Variants in PCDH9 observed in about 807,000 individuals in gnomAD.
PCDH9 encodes the protein protocadherin-9.
Under a neutral mutation model 70.6 loss-of-function variants are expected in PCDH9, and 24 were observed. The observed-to-expected ratio is 0.34, with a 90% CI of 0.25 to 0.48. PCDH9 has a LOEUF of 0.48. Among genes scored for constraint, PCDH9 ranks in the 20% least tolerant of loss-of-function variants. The pLI is 0.99. For missense variants in PCDH9, 1,281 were observed against 1,503.6 expected, an observed-to-expected ratio of 0.85 and a Z score of 2.45; for synonymous variants, 562 against 558.5, an observed-to-expected ratio of 1.01 and a Z score of -0.09.
Position 67,181,004 on chromosome 13 carries a change from A to G in PCDH9, c.3036+44401T>C, listed in dbSNP as rs114535482. On this transcript the variant is annotated intron_variant, in intron 2 of 4. Transcript: ENST00000377865. ...TTTAAATCTGTGTCAAGAGGCTAAT[A>G]TAACTGTGATTTTAATTACTAAAAA... 6.0e-3 allele frequency among the ~76,000 whole-genome samples: 911 copies of G among 152,344 alleles called. 6 individuals carry two copies. Among genetic ancestry groups the G allele is most frequent in the African/African-American group, 0.021 (873 of 41,580 alleles).
Position 66,713,621 on chromosome 13 carries a change from G to GTCTATATATATA in PCDH9, c.3139-82211_3139-82210insTATATATATAGA, listed in dbSNP as rs1415001060. 4.1e-4 allele frequency among the ~76,000 whole-genome samples: 7 copies of GTCTATATATATA among 16,918 alleles called. No homozygotes were observed. In the South Asian group the frequency reaches 0.019, roughly 45 times the overall value. 11.1% of individuals were successfully genotyped at this position (16,918 alleles called of 152,430 possible). A position where few individuals can be genotyped will look rare whatever the true frequency, so the allele number is the denominator to read the frequency against. ...GTGTATATATATATAAAGTGTGTGT[G>GTCTATATATATA]TGTGTATATATATATATATATATAT... On this transcript the variant is annotated intron_variant, in intron 3 of 4. Coordinates refer to ENST00000377865, the MANE Select transcript of PCDH9 (RefSeq NM_203487.3).
At chr13:67,127,054 T>G (rs187822848) in intron 2 of PCDH9, among the ~76,000 whole-genome samples, 2 of 152,174 alleles carry the variant, frequency 1.3e-5, no homozygotes, top group African/African-American at 4.8e-5. Flanking sequence ...AGTAAGCAAA[T>G]CATAATATAT....
chr13:66,753,318 A>T (rs2079488838), intron 3 of PCDH9, among the ~76,000 whole-genome samples: 1 of 152,166 alleles, frequency 6.6e-6, no homozygotes, highest in Non-Finnish European at 1.5e-5. Context: ...AAATGACTGC[A>T]GTTAACAGTA....
At chr13:66,819,907 A>C (rs1278684351) in intron 3 of PCDH9, among the ~76,000 whole-genome samples, 1 of 152,128 alleles carries the variant, frequency 6.6e-6, no homozygotes, top group African/African-American at 2.4e-5. Flanking sequence ...AAAATAAATT[A>C]AAAATAAATA....
intron 2 of PCDH9, among the ~76,000 whole-genome samples, chr13:67,194,011 C>A (rs1463377018): frequency 6.6e-6 from 1 of 152,048 alleles, no homozygotes; most frequent in East Asian, 1.9e-4. Flanking sequence ...TACATTTTTT[C>A]TATTACATAA....
chr13:66,649,417 G>A (rs1291361910), intron 3 of PCDH9, among the ~76,000 whole-genome samples: 1 of 151,454 alleles, frequency 6.6e-6, no homozygotes, highest in Non-Finnish European at 1.5e-5. Flanking sequence ...TATTTGAAGT[G>A]CAAAAGAAAA....
At chr13:66,365,280 G>A (rs764954079) in intron 4 of PCDH9, among the ~76,000 whole-genome samples, 8 of 152,144 alleles carry the variant, frequency 5.3e-5, no homozygotes, top group Non-Finnish European at 8.8e-5. Context: ...TGTAGTCCAA[G>A]TGATGTGCTA....
intron 2 of PCDH9, chr13:67,218,835 T>A (rs2089664043): frequency 6.6e-6 from 1 of 151,960 alleles, no homozygotes; most frequent in African/African-American, 2.4e-5. Context: ...ACCTTGACTG[T>A]GCTTCTATCT....
At chr13:67,217,818 A>T (rs1050102059) in intron 2 of PCDH9, 1 of 152,054 alleles carries the variant, frequency 6.6e-6, no homozygotes, top group South Asian at 2.1e-4. Flanking sequence ...TCTTCTTAGG[A>T]GAAATGAAGG....
chr13:66,849,820 A>C (rs2081285433), intron 3 of PCDH9, among the ~76,000 whole-genome samples: 1 of 152,146 alleles, frequency 6.6e-6, no homozygotes, highest in South Asian at 2.1e-4. Flanking sequence ...GTAAGTCTTC[A>C]AGAAGAGCTA....
intron 2 of PCDH9, among the ~76,000 whole-genome samples, chr13:67,200,589 A>C (rs2089185559): frequency 6.6e-6 from 1 of 152,130 alleles, no homozygotes; most frequent in Non-Finnish European, 1.5e-5. Flanking sequence ...ATGTACTGCA[A>C]ACTTTTACTA....
chr13:66,427,724 C>A (rs1418826728), intron 4 of PCDH9, among the ~76,000 whole-genome samples: 1 of 151,572 alleles, frequency 6.6e-6, no homozygotes, highest in Admixed American at 6.6e-5. Flanking sequence ...CTAAAGTATT[C>A]TTGCGAAGAA....
At position 66,779,849 on chromosome 13, in the gene PCDH9, C is replaced by CTCTATATATATATA. The variant is rs1395244975; in HGVS notation, c.3138+123654_3138+123655insTATATATATATAGA. 1.4e-3 allele frequency among the ~76,000 whole-genome samples: 109 copies of CTCTATATATATATA among 78,888 alleles called. 1 individual carries two copies. Among genetic ancestry groups the CTCTATATATATATA allele is most frequent in the African/African-American group, 5.0e-3 (97 of 19,396 alleles). 51.8% of individuals were successfully genotyped at this position (78,888 alleles called of 152,430 possible). ...TCTCTCTCTCTCTCTCTCTCTCTCTCTATATATATATATATATACATATAT... is the reference window on the plus strand; with the variant it reads ...TCTCTCTCTCTCTCTCTCTCTCTCTCTCTATATATATATATATATATATATATATATACATATAT... On this transcript the variant is annotated intron_variant, in intron 3 of 4. Coordinates refer to ENST00000377865, the MANE Select transcript of PCDH9 (RefSeq NM_203487.3).
chr13:66,850,294 G>A (rs1186854360), intron 3 of PCDH9, among the ~76,000 whole-genome samples: 1 of 152,020 alleles, frequency 6.6e-6, no homozygotes, highest in Non-Finnish European at 1.5e-5. Context: ...TGAGGCAGGC[G>A]GATCACCTGA....
At position 66,531,971 on chromosome 13, in the gene PCDH9, A is replaced by G. The variant is rs112747163; in HGVS notation, c.3340+99239T>C. ...ATTGCTGCTTGCATTCTAAGACATTATTTGTGTTCTGATTTTGTTTTGTTT... is the reference window on the plus strand; with the variant it reads ...ATTGCTGCTTGCATTCTAAGACATTGTTTGTGTTCTGATTTTGTTTTGTTT... On this transcript the variant is annotated intron_variant, in intron 4 of 4. Transcript: ENST00000377865. Among the ~76,000 whole-genome samples, 1,179 of 152,020 alleles carry G rather than the reference A, an allele frequency of 7.8e-3. 12 individuals are homozygous for G. Among genetic ancestry groups the G allele is most frequent in the African/African-American group, 0.027 (1,119 of 41,478 alleles).
At chr13:67,130,568 A>G (rs990810747) in intron 2 of PCDH9, among the ~76,000 whole-genome samples, 2 of 152,174 alleles carry the variant, frequency 1.3e-5, no homozygotes, top group African/African-American at 4.8e-5. Context: ...ACCTGACCAC[A>G]GGGTGGACAA....
intron 3 of PCDH9, among the ~76,000 whole-genome samples, chr13:66,852,771 T>C (rs781074212): frequency 1.4e-4 from 21 of 150,228 alleles, no homozygotes; most frequent in Non-Finnish European, 2.9e-4. Flanking sequence ...ATGACTCAAG[T>C]AGACGGTGTA....
At chr13:67,039,800 C>T (rs1021514874) in intron 2 of PCDH9, among the ~76,000 whole-genome samples, 7 of 152,072 alleles carry the variant, frequency 4.6e-5, no homozygotes, top group East Asian at 1.9e-4. Context: ...GACTTTGTAG[C>T]GAAGTTGAAC....
rs149471092 is a variant in PCDH9, at chr13:66,800,398, C to T, written c.3138+103106G>A. Among the ~76,000 whole-genome samples, 415 of 152,214 alleles carry T rather than the reference C, an allele frequency of 2.7e-3. 3 individuals carry two copies. The highest frequency in any genetic ancestry group is 9.8e-3 in the African/African-American group (407 of 41,532). On this transcript the variant is annotated intron_variant, in intron 3 of 4. Transcript: ENST00000377865. Reference sequence around the variant, plus strand: ...ACTTTGCCCTACCCCCACTAGCAATCATTTTGCACTTCATTCTATTTTTTT... The same window carrying T: ...ACTTTGCCCTACCCCCACTAGCAATTATTTTGCACTTCATTCTATTTTTTT...
Sources: gnomAD v4.1 joint callset for allele counts (sites outside exome capture counted in the v4.1 genomes callset) on GRCh38, gnomAD v4.1.1 for gene constraint, MANE v1.5 for transcripts, NCBI Gene and HGNC (gene_info 2026-07-23, HGNC 2026-07-21) for gene names.